RASEF: variants seen among roughly 807,000 people sequenced by gnomAD.
RASEF encodes RAS and EF-hand domain containing.
Under a neutral mutation model 90.1 loss-of-function variants are expected in RASEF, and 68 were observed. That is an observed-to-expected ratio of 0.75 (90% CI 0.62 to 0.92). The LOEUF is 0.92. RASEF is among the 40% of genes least tolerant of loss of function. The probability of loss-of-function intolerance (pLI) is 0.00; values close to 1 mark genes in which losing one functional copy is unlikely to be tolerated. For synonymous variants in RASEF, 331 were observed against 345.2 expected, an observed-to-expected ratio of 0.96 and a Z score of 0.46; for missense variants, 949 against 937.2, an observed-to-expected ratio of 1.01 and a Z score of -0.16.
intron 1 of RASEF, chr9:83,048,003 G>T: frequency 2.1e-6 from 1 of 480,806 alleles, no homozygotes; most frequent in Non-Finnish European, 2.7e-6. Flanking sequence ...ATCGTGCATG[G>T]CAGCTGCTGT....
At chr9:83,004,937 C>G (rs2118466643) in intron 8 of RASEF, among the ~76,000 whole-genome samples, 1 of 152,288 alleles carries the variant, frequency 6.6e-6, no homozygotes, top group East Asian at 1.9e-4. Flanking sequence ...GTGACTGACT[C>G]CTCCATATCC....
intron 1 of RASEF, among the ~76,000 whole-genome samples, chr9:83,036,839 A>G (rs1829748995): frequency 6.6e-6 from 1 of 152,210 alleles, no homozygotes; most frequent in Admixed American, 6.5e-5. Flanking sequence ...ATAAATAAGG[A>G]AAAGTGAGTA....
chr9:83,010,719 G>T (rs1829224350), intron 5 of RASEF, among the ~76,000 whole-genome samples: 1 of 152,112 alleles, frequency 6.6e-6, no homozygotes, highest in African/African-American at 2.4e-5. Flanking sequence ...TGTAAAAAAA[G>T]CTAAGGCTTC....
intron 1 of RASEF, among the ~76,000 whole-genome samples, chr9:83,040,102 G>A (rs1034956790): frequency 1.3e-5 from 2 of 152,152 alleles, no homozygotes; most frequent in African/African-American, 4.8e-5. Flanking sequence ...CATGTAAGAT[G>A]TGCCTTTGCT....
At chr9:83,081,501 C>T in the RASEF span, among the ~76,000 whole-genome samples, 1 of 152,122 alleles carries the variant, frequency 6.6e-6, no homozygotes, top group Admixed American at 6.5e-5. Context: ...ACACTGGTTT[C>T]TATTGAGCAT....
upstream of RASEF, among the ~76,000 whole-genome samples, chr9:83,065,312 C>A (rs1830273897): frequency 6.6e-6 from 1 of 152,122 alleles, no homozygotes; most frequent in East Asian, 1.9e-4. Flanking sequence ...TGCCTGGGAT[C>A]TCTCAGGTGG....
the RASEF span, among the ~76,000 whole-genome samples, chr9:83,141,831 G>A: frequency 3.3e-5 from 5 of 152,310 alleles, no homozygotes; most frequent in East Asian, 9.6e-4. Flanking sequence ...CCTGGCTTGG[G>A]CTTGCATAGA....
chr9:83,054,662 C>T (rs1335639717), intron 1 of RASEF: 2 of 146,228 alleles, frequency 1.4e-5, no homozygotes, highest in Non-Finnish European at 3.0e-5. Flanking sequence ...TGTTTTTTCC[C>T]CATCTTTGTG....
At chr9:83,173,420 A>T in the RASEF span, among the ~76,000 whole-genome samples, 1 of 151,420 alleles carries the variant, frequency 6.6e-6, no homozygotes, top group Non-Finnish European at 1.5e-5. Flanking sequence ...AATGTACTTT[A>T]TTCTTTTTCA....
upstream of RASEF, among the ~76,000 whole-genome samples, chr9:83,065,139 T>C (rs1274450499): frequency 2.0e-5 from 3 of 152,194 alleles, no homozygotes. Context: ...GCATTTTTCT[T>C]ATTCTTATTT....
the RASEF span, among the ~76,000 whole-genome samples, chr9:83,109,609 T>A: frequency 1.3e-5 from 2 of 152,202 alleles, no homozygotes; most frequent in Non-Finnish European, 2.9e-5. Flanking sequence ...ATGCTAATTT[T>A]ACAGTTCTTC....
At chr9:83,079,603 T>C in the RASEF span, among the ~76,000 whole-genome samples, 1 of 152,222 alleles carries the variant, frequency 6.6e-6, no homozygotes. Context: ...CATTGGAGAT[T>C]ACAATTCAAT....
chr9:83,000,987 T>C lies in RASEF; in HGVS notation c.1346A>G (p.Tyr449Cys), dbSNP rs775995371. Residue 449 changes from tyrosine (Y) to cysteine (C), a missense_variant, in exon 10 of 17, where the codon TAT (tyrosine) becomes TGT (cysteine). This residue lies in a region of RASEF where 656 missense variants were observed against 592.2 expected (regional missense o/e 1.11). Coordinates refer to ENST00000376447, the MANE Select transcript of RASEF (RefSeq NM_152573.4). ...GLSTLRDPNE[Y>C]DSEVEYKHQR... ...GTGCTTGTATTCCACTTCTGAGTCATACTCATTGGGATCTCTCAAGGTAGA... is the reference window on the plus strand; with the variant it reads ...GTGCTTGTATTCCACTTCTGAGTCACACTCATTGGGATCTCTCAAGGTAGA... 27 of 1,614,140 alleles carry C rather than the reference T, an allele frequency of 1.7e-5. No homozygotes were observed. The highest frequency in any genetic ancestry group is 2.0e-5 in the Non-Finnish European group (24 of 1,180,018).
intron 1 of RASEF, chr9:83,048,377 C>G: frequency 1.0e-6 from 1 of 985,360 alleles, no homozygotes; most frequent in Non-Finnish European, 1.2e-6. Context: ...GATCTGGACC[C>G]AGGCCATCTA....
chr9:82,988,681 T>A (rs565187777), intron 16 of RASEF, among the ~76,000 whole-genome samples: 2 of 152,140 alleles, frequency 1.3e-5, no homozygotes, highest in South Asian at 4.2e-4. Flanking sequence ...TCCCCTCTCC[T>A]TGCTCCCTCG....
At chr9:83,112,687 C>CAAA in the RASEF span, among the ~76,000 whole-genome samples, 13 of 115,360 alleles carry the variant, frequency 1.1e-4, 1 homozygote, top group African/African-American at 4.1e-4. Context: ...AACTCGGTCT[C>CAAA]AAAAAAAAAA....
chr9:83,007,548 A>T (rs1190321468), intron 6 of RASEF, 43 bp from the exon 7 acceptor site: 7 of 1,435,582 alleles, frequency 4.9e-6, no homozygotes, highest in Non-Finnish European at 6.9e-6. Context: ...TTAGGTGTCA[A>T]GTCCTGCCTC....
rs1564072604 is a variant in RASEF at position 83,000,882 on chromosome 9, T to A, written c.1437+14A>T. 1.2e-6 allele frequency: 2 copies of A among 1,603,714 alleles called. No homozygotes were observed. Among genetic ancestry groups the A allele is most frequent in the Non-Finnish European group, 1.7e-6 (2 of 1,170,696 alleles). On this transcript the variant is annotated intron_variant, in intron 10 of 16. Coordinates refer to ENST00000376447, the MANE Select transcript of RASEF (RefSeq NM_152573.4). The stretch of plus-strand genomic sequence containing the variant: ...CGTAGAAGGCCTAGGAGAGCAGTGG[T>A]TTCTGGGGCTTACATCTGTGTCTGA...
At chr9:83,079,823 A>G in the RASEF span, among the ~76,000 whole-genome samples, 1 of 152,064 alleles carries the variant, frequency 6.6e-6, no homozygotes, top group East Asian at 1.9e-4. Flanking sequence ...GAAAGTGTAT[A>G]GGTAGAAATA....
Sources: allele counts gnomAD v4.1 joint callset (sites outside exome capture counted in the v4.1 genomes callset), GRCh38; gene constraint gnomAD v4.1.1; regional missense constraint gnomAD v4.1.1; transcripts MANE v1.5; gene names NCBI Gene and HGNC (gene_info 2026-07-23, HGNC 2026-07-21).